The following LTF variants were observed in gnomAD, a reference collection of about 807,000 sequenced individuals.
LTF encodes the protein epididymis luminal protein 110.
In LTF, 91 loss-of-function variants were observed where a neutral mutation model predicts 87.2. The observed-to-expected ratio is 1.04, with a 90% CI of 0.88 to 1.24. LTF has a LOEUF of 1.24. Ranked by LOEUF, LTF falls within the 50% of genes most tolerant of loss-of-function variation. The probability of loss-of-function intolerance (pLI) is 0.00; values close to 1 mark genes in which losing one functional copy is unlikely to be tolerated. For missense variants in LTF, 901 were observed against 904.3 expected, an observed-to-expected ratio of 1.00 and a Z score of 0.05; for synonymous variants, 378 against 356.1, an observed-to-expected ratio of 1.06 and a Z score of -0.69.
intron 8 of LTF, 76 bp from the exon 9 acceptor site, chr3:46,449,093 C>T (rs1305738198): frequency 2.2e-6 from 3 of 1,376,022 alleles, no homozygotes; most frequent in African/African-American, 2.9e-5. Flanking sequence ...GAGCCAGGGT[C>T]CTGCCCAGAC....
chr3:46,437,846 A>T (rs1702421621), intron 16 of LTF, 94 bp downstream of exon 16: 2 of 882,332 alleles, frequency 2.3e-6, no homozygotes, highest in Non-Finnish European at 3.7e-6. Context: ...TAACATTTTT[A>T]CACCTGTGTT....
chr3:46,470,260 T>C (rs1038428687), intron 2 of LTF: 1 of 152,370 alleles, frequency 6.6e-6, no homozygotes, highest in Admixed American at 6.5e-5. Context: ...GGGAAGGTGC[T>C]GGCCTGGAGG....
intron 1 of LTF, among the ~76,000 whole-genome samples, chr3:46,461,180 G>A (rs1346793644): frequency 6.6e-6 from 1 of 152,230 alleles, no homozygotes; most frequent in Non-Finnish European, 1.5e-5. Flanking sequence ...ATGTGGAGAA[G>A]TGGAAACCCT....
At chr3:46,448,439 G>T (rs1283804608) in intron 9 of LTF, among the ~76,000 whole-genome samples, 1 of 152,104 alleles carries the variant, frequency 6.6e-6, no homozygotes, top group Non-Finnish European at 1.5e-5. Context: ...ACGCTGTTTA[G>T]TGAAAAGGGC....
chr3:46,462,061 G>C (rs1428070293), intron 1 of LTF, among the ~76,000 whole-genome samples: 1 of 152,076 alleles, frequency 6.6e-6, no homozygotes, highest in East Asian at 1.9e-4. Context: ...CTCATCCCGG[G>C]GAAATCCCAG....
At chr3:46,455,206 T>G in intron 5 of LTF, 89 bp downstream of exon 5, 1 of 1,514,324 alleles carries the variant, frequency 6.6e-7, no homozygotes, top group Non-Finnish European at 9.1e-7. Flanking sequence ...AAGAGCAGGC[T>G]GGGCTCTATG....
intron 1 of LTF, among the ~76,000 whole-genome samples, chr3:46,481,909 C>T (rs886212123): frequency 1.3e-5 from 2 of 152,028 alleles, no homozygotes; most frequent in African/African-American, 4.8e-5. Context: ...AGAGTTCCAA[C>T]AAGAATATTG....
chr3:46,471,165 C>T (rs1052374640), intron 1 of LTF, among the ~76,000 whole-genome samples: 3 of 152,116 alleles, frequency 2.0e-5, no homozygotes, highest in African/African-American at 7.2e-5. Flanking sequence ...CATGGCCCTT[C>T]TAGGAGAGCA....
chr3:46,439,909 C>CA (rs10717285), intron 14 of LTF, among the ~76,000 whole-genome samples: 156 of 145,132 alleles, frequency 1.1e-3, no homozygotes, highest in African/African-American at 1.2e-3. Context: ...GACCTCATCT[C>CA]AAAAAAAAAA....
Position 46,446,425 on chromosome 3 carries a change from C to G in LTF, c.1357+15G>C. The G allele has an allele frequency of 6.2e-7, 1 of 1,609,662 alleles. No homozygotes were observed. ...AACTTATCCTTGACCCTGAAAGTGG[C>G]TAATGCCAACTCACCTTCCACAGGT... is the stretch of plus-strand genomic sequence containing the variant. On this transcript the variant is annotated intron_variant, in intron 11 of 16. Coordinates refer to ENST00000231751, the MANE Select transcript of LTF (RefSeq NM_002343.6).
At chr3:46,465,069 C>A, upstream of LTF, 1 of 608,704 alleles carries the variant, frequency 1.6e-6, no homozygotes, top group South Asian at 1.9e-5. Context: ...CACCGCGCTG[C>A]GAGAGGAAAG....
Position 46,449,853 on chromosome 3 carries a change from C to G in LTF, c.1057+1G>C, listed in dbSNP as rs1702756772. The G allele has an allele frequency of 6.2e-7, 1 of 1,613,904 alleles. No individual in the cohort carries two copies. The highest frequency in any genetic ancestry group is 8.5e-7 in the Non-Finnish European group (1 of 1,179,946). On this transcript the variant is annotated splice_donor_variant, in intron 8 of 16. Transcript: ENST00000231751. LOFTEE classifies it high-confidence loss of function. ...CTCAGGACCCTCCTGGGCTCACTCA[C>G]TTTTCCTCAAGTTCTGGATGGCAGT...
At chr3:46,469,857 T>C (rs1350752451), upstream of LTF, among the ~76,000 whole-genome samples, 1 of 152,196 alleles carries the variant, frequency 6.6e-6, no homozygotes, top group Non-Finnish European at 1.5e-5. Flanking sequence ...GTGGCTTCAT[T>C]AGCCAACACG....
rs368275301 is a variant in LTF at position 46,438,022 on chromosome 3, G to A, written c.2016C>T (p.Leu672=). ...ATTTTTCATATGTTGTTTTGCCATGGAGTCTGGCCAGACACTCAGTGTTGT... is the reference window on the plus strand; with the variant it reads ...ATTTTTCATATGTTGTTTTGCCATGAAGTCTGGCCAGACACTCAGTGTTGT... ...FNDNTECLAR[L]HGKTTYEKYL... Residue 672 remains leucine (L), a synonymous_variant, in exon 16 of 17, where the codon CTC becomes CTT. Coordinates refer to ENST00000231751, the MANE Select transcript of LTF (RefSeq NM_002343.6). 33 of 1,613,750 alleles carry A rather than the reference G, an allele frequency of 2.0e-5. No individual in the cohort carries two copies. The highest frequency in any genetic ancestry group is 2.8e-5 in the Non-Finnish European group (33 of 1,179,908).
chr3:46,473,107 C>T (rs1307945190), intron 1 of LTF, among the ~76,000 whole-genome samples: 1 of 152,114 alleles, frequency 6.6e-6, no homozygotes, highest in Non-Finnish European at 1.5e-5. Context: ...TGGACTCCTG[C>T]CTCAGCTTCT....
Position 46,459,785 on chromosome 3 carries a change from C to G in LTF, c.78G>C (p.Gln26His). Residue 26 changes from glutamine to histidine, a missense_variant, in exon 2 of 17, where the codon CAG (glutamine) becomes CAC (histidine). Transcript: ENST00000231751. ...LCLAGRRRSVQWCAVSQPEAT... is the reference protein window; with the variant it reads ...LCLAGRRRSVHWCAVSQPEAT... Reference sequence around the variant, plus strand: ...CCTCGGGTTGGGATACGGCGCACCACTGAACACTCCTCCTACGGCCAGCCA... The same window carrying G: ...CCTCGGGTTGGGATACGGCGCACCAGTGAACACTCCTCCTACGGCCAGCCA... The G allele has an allele frequency of 7.0e-7, 1 of 1,432,442 alleles. No homozygotes were observed. Among genetic ancestry groups the G allele is most frequent in the Non-Finnish European group, 9.1e-7 (1 of 1,103,296 alleles). 88.7% of individuals were successfully genotyped at this position (1,432,442 alleles called of 1,614,324 possible).
chr3:46,438,472 A>G (rs894259113), intron 15 of LTF, among the ~76,000 whole-genome samples: 2 of 152,214 alleles, frequency 1.3e-5, no homozygotes, highest in African/African-American at 4.8e-5. Context: ...TCACAAGTCA[A>G]TTGCTCAGGA....
chr3:46,481,884 A>T lies in LTF; in HGVS notation c.-320+3102T>A, dbSNP rs1575330404. Among the ~76,000 whole-genome samples the T allele has an allele frequency of 5.3e-5, 8 of 152,372 alleles. 1 individual carries two copies. Among genetic ancestry groups the T allele is most frequent in the Admixed American group, 5.2e-4 (8 of 15,308 alleles). ...AATGTGGGCTGGCAAGTGCTTAATA[A>T]CCATCTCTGAAAATAGAGTTCCAAC... On this transcript the variant is annotated intron_variant, in intron 1 of 19. Transcript: ENST00000443496.
intron 1 of LTF, 118 bp from the exon 2 acceptor site, chr3:46,459,937 C>G: frequency 1.6e-6 from 1 of 629,294 alleles, no homozygotes; most frequent in Non-Finnish European, 2.4e-6. Context: ...CCTTCCCTCT[C>G]CATTTCATGG....
Sources: allele counts gnomAD v4.1 joint callset (sites outside exome capture counted in the v4.1 genomes callset), GRCh38; gene constraint gnomAD v4.1.1; transcripts MANE v1.5; gene names NCBI Gene and HGNC (gene_info 2026-07-23, HGNC 2026-07-21).